Variants in CIT observed in about 807,000 individuals in gnomAD.
CIT encodes the protein citron rho-interacting serine/threonine kinase, also known as citron Rho-interacting kinase.
A neutral mutation model predicts 272.7 loss-of-function variants in CIT; 79 were observed. The observed-to-expected ratio is 0.29, with a 90% CI of 0.24 to 0.35. CIT has a LOEUF of 0.35. Ranked by LOEUF, CIT falls within the 10% of genes least tolerant of loss-of-function variation. The pLI, the probability that CIT is intolerant of heterozygous loss-of-function variation, is 1.00. For missense variants in CIT, 1,909 were observed against 2,618.3 expected, an observed-to-expected ratio of 0.73 and a Z score of 5.91; for synonymous variants, 948 against 995.6, an observed-to-expected ratio of 0.95 and a Z score of 0.90.
chr12:119,759,437 G>A (rs774813623), intron 20 of CIT, among the ~76,000 whole-genome samples: 12 of 152,130 alleles, frequency 7.9e-5, no homozygotes, highest in Non-Finnish European at 1.2e-4. Flanking sequence ...CCTGAGGTCA[G>A]GAATTCCAGA....
At chr12:119,840,874 T>C (rs1166403809) in intron 5 of CIT, among the ~76,000 whole-genome samples, 1 of 152,186 alleles carries the variant, frequency 6.6e-6, no homozygotes. Flanking sequence ...AACAATGAAG[T>C]TGTGTTCATT....
chr12:119,858,479 AGC>A (rs1950234033), intron 3 of CIT, among the ~76,000 whole-genome samples: 1 of 150,920 alleles, frequency 6.6e-6, no homozygotes, highest in Non-Finnish European at 1.5e-5. Context: ...ATTGTGCCAC[AGC>A]ACTCCAATCT....
intron 3 of CIT, among the ~76,000 whole-genome samples, chr12:119,866,925 G>A (rs1425382900): frequency 2.0e-5 from 3 of 152,168 alleles, no homozygotes; most frequent in Admixed American, 6.5e-5. Context: ...TACAAAATAG[G>A]CATCACAGGC....
chr12:119,857,737 C>T, intron 3 of CIT, 39 bp from the exon 4 acceptor site: 1 of 1,527,072 alleles, frequency 6.5e-7, no homozygotes, highest in South Asian at 1.3e-5. Context: ...GTAAATAAAG[C>T]ATGCAAATAT....
At chr12:119,752,399 C>G in intron 22 of CIT, 152 bp from the exon 23 acceptor site, 1 of 661,622 alleles carries the variant, frequency 1.5e-6, no homozygotes, top group South Asian at 2.1e-5. Context: ...GAAAATGCAA[C>G]AAAATGGGCC....
At chr12:119,774,197 A>C (rs1040388856) in intron 16 of CIT, among the ~76,000 whole-genome samples, 2 of 152,256 alleles carry the variant, frequency 1.3e-5, no homozygotes, top group African/African-American at 4.8e-5. Flanking sequence ...AAAACGTTCC[A>C]GAGATTCATT....
Position 119,713,774 on chromosome 12 carries a change from A to G in CIT, c.4307-126T>C. 1 of 1,011,990 alleles carries G rather than the reference A, an allele frequency of 9.9e-7. No homozygotes were observed. The highest frequency in any genetic ancestry group is 1.5e-6 in the Non-Finnish European group (1 of 662,828). 62.7% of individuals were successfully genotyped at this position (1,011,990 alleles called of 1,614,324 possible). On this transcript the variant is annotated intron_variant, in intron 33 of 47. Coordinates refer to ENST00000392521, the MANE Select transcript of CIT (RefSeq NM_001206999.2). This position sits in a 1 kb window ranked among gnomAD's most constrained non-coding sequence, Gnocchi z 5.2. ...CCCAGAGAGTCTGGCCCTGGCTTGC[A>G]GGTAGTCTCCTGAGCTTCCCCTGGT... is the stretch of plus-strand genomic sequence containing the variant.
chr12:119,753,877 T>C (rs147226395), intron 22 of CIT, among the ~76,000 whole-genome samples: 232 of 152,310 alleles, frequency 1.5e-3, no homozygotes, highest in Non-Finnish European at 2.6e-3. Context: ...CTTAACATGT[T>C]GAACTTGAGC....
At chr12:119,795,108 G>A (rs575572078) in intron 10 of CIT, among the ~76,000 whole-genome samples, 9 of 152,322 alleles carry the variant, frequency 5.9e-5, no homozygotes, top group Admixed American at 1.3e-4. Context: ...TGAGCCAGGC[G>A]TGGTGGCTCA....
rs780981739 is a variant in CIT, at chr12:119,704,393, G to A, written c.5274C>T (p.Asn1758=). The A allele has an allele frequency of 4.6e-5, 74 of 1,613,838 alleles. No homozygotes were observed. Among genetic ancestry groups the A allele is most frequent in the Admixed American group, 3.3e-4 (20 of 59,992 alleles). The stretch of plus-strand genomic sequence containing the variant: ...GGATGCAGTATTTGCTGAGGTTTTC[G>A]TTGTAGCGGAGAATGACGACTTTGC... The part of the protein sequence containing the change: ...MPSKVVILRY[N]ENLSKYCIRK... The change falls in exon 41 of 48, where the codon AAC becomes AAT. Residue 1758 remains asparagine, a synonymous_variant. Transcript: ENST00000392521.
intron 19 of CIT, among the ~76,000 whole-genome samples, chr12:119,762,505 G>A (rs1186970567): frequency 4.6e-5 from 7 of 152,180 alleles, no homozygotes; most frequent in Admixed American, 1.3e-4. Flanking sequence ...CAGTAGGGAA[G>A]AAAGACAGAT....
chr12:119,775,107 T>A (rs991313813), intron 16 of CIT, among the ~76,000 whole-genome samples: 1 of 152,024 alleles, frequency 6.6e-6, no homozygotes, highest in Non-Finnish European at 1.5e-5. Flanking sequence ...ACCCCGTGTC[T>A]ATTAAAAATA....
At chr12:119,761,125 C>T (rs1452845268) in intron 19 of CIT, 70 bp from the exon 20 acceptor site, 7 of 1,133,988 alleles carry the variant, frequency 6.2e-6, no homozygotes, top group Non-Finnish European at 9.4e-6. Flanking sequence ...AACGGGGACA[C>T]TTGAGAAAAT....
At position 119,697,138 on chromosome 12, in the gene CIT, C is replaced by G. The variant is rs1009002076; in HGVS notation, c.5882+521G>C. Among the ~76,000 whole-genome samples the G allele has an allele frequency of 6.6e-6, 1 of 152,230 alleles. No homozygotes were observed. The highest frequency in any genetic ancestry group is 2.1e-4 in the South Asian group (1 of 4,816). ...TGCCTTCCCTCCTGCCTGAGCACCCCTCACTGGTCTCCCTGCCCCCACCTC... is the reference window on the plus strand; with the variant it reads ...TGCCTTCCCTCCTGCCTGAGCACCCGTCACTGGTCTCCCTGCCCCCACCTC... On this transcript the variant is annotated intron_variant, in intron 46 of 47. Transcript: ENST00000392521. This position sits in a 1 kb window ranked among gnomAD's most constrained non-coding sequence, Gnocchi z 4.9.
At chr12:119,741,810 T>G (rs1360350983) in intron 24 of CIT, among the ~76,000 whole-genome samples, 1 of 152,232 alleles carries the variant, frequency 6.6e-6, no homozygotes, top group Non-Finnish European at 1.5e-5. Context: ...GAATTCCCAC[T>G]GACCCTACTC....
At chr12:119,817,138 GAGTTAT>G (rs1967259795) in intron 9 of CIT, among the ~76,000 whole-genome samples, 2 of 152,198 alleles carry the variant, frequency 1.3e-5, no homozygotes, top group Non-Finnish European at 2.9e-5. Context: ...GACATGGGGA[GAGTTAT>G]AGGTTAGCAG....
chr12:119,697,818 A>C lies in CIT; in HGVS notation c.5723T>G (p.Leu1908Arg). The C allele has an allele frequency of 6.2e-7, 1 of 1,614,118 alleles. No homozygotes were observed. The highest frequency in any genetic ancestry group is 8.5e-7 in the Non-Finnish European group (1 of 1,180,008). Residue 1908 changes from leucine to arginine, a missense_variant, in exon 46 of 48, where the codon CTG (leucine) becomes CGG (arginine). By Grantham distance (102) the Leu-to-Arg change is moderately radical. Transcript: ENST00000392521. This position sits in a 1 kb window ranked among gnomAD's most constrained non-coding sequence, Gnocchi z 4.9. ...CAGGTAGCGCGGGTTCGGGATGTCC[A>C]GGTACGCTCGGGCAGGGGTCCTGCA... Reference protein sequence around the residue: ...SSAGTPARAYLDIPNPRYLGP... With the variant: ...SSAGTPARAYRDIPNPRYLGP...
At chr12:119,788,807 T>C (rs1368514909) in intron 10 of CIT, among the ~76,000 whole-genome samples, 1 of 152,194 alleles carries the variant, frequency 6.6e-6, no homozygotes, top group Non-Finnish European at 1.5e-5. Flanking sequence ...ATTCTGCTAT[T>C]CTATGTTTGA....
chr12:119,694,945 T>C lies in CIT; in HGVS notation c.5882+2714A>G, dbSNP rs1487072005. On this transcript the variant is annotated intron_variant, in intron 46 of 47. Transcript: ENST00000392521. The surrounding 1 kb of genome is among the most constrained non-coding windows in gnomAD (Gnocchi z 4.5). Reference sequence around the variant, plus strand: ...TCACTGGCAGTTGTCAAAATCAACTTTTCAGAGCTCTAGAAATTAACCCTA... The same window carrying C: ...TCACTGGCAGTTGTCAAAATCAACTCTTCAGAGCTCTAGAAATTAACCCTA... 6.6e-6 allele frequency among the ~76,000 whole-genome samples: 1 copy of C among 152,140 alleles called. No individual in the cohort carries two copies. Among genetic ancestry groups the C allele is most frequent in the Admixed American group, 6.5e-5 (1 of 15,274 alleles).
Sources: allele counts gnomAD v4.1 joint callset (sites outside exome capture counted in the v4.1 genomes callset), GRCh38; gene constraint gnomAD v4.1.1; non-coding constraint Gnocchi (gnomAD v3.1); transcripts MANE v1.5; gene names NCBI Gene and HGNC (gene_info 2026-07-23, HGNC 2026-07-21).